NXPE2: variants seen among roughly 807,000 people sequenced by gnomAD.
The protein encoded by NXPE2 is neurexophilin and PC-esterase domain family member 2.
A neutral mutation model predicts 34.4 loss-of-function variants in NXPE2; 34 were observed. The ratio of observed to expected loss-of-function variants is 0.99; its 90% CI spans 0.75 to 1.31. The LOEUF (loss-of-function observed/expected upper bound fraction) is 1.31, where lower values mean the gene tolerates loss of function less well. Ranked by LOEUF, NXPE2 falls within the 40% of genes most tolerant of loss-of-function variation. The probability of loss-of-function intolerance (pLI) is 0.00; values close to 1 mark genes in which losing one functional copy is unlikely to be tolerated. For missense variants in NXPE2, 649 were observed against 672.5 expected (o/e 0.97, Z 0.39); for synonymous variants, 235 against 231.3 (o/e 1.02, Z -0.15).
At chr11:114,685,936 G>A (rs1173823373) in intron 2 of NXPE2, among the ~76,000 whole-genome samples, 1 of 152,000 alleles carries the variant, frequency 6.6e-6, no homozygotes, top group Admixed American at 6.6e-5. Flanking sequence ...AGAGGGTGAG[G>A]GAAAAGTAAG....
the NXPE2 span, among the ~76,000 whole-genome samples, chr11:114,774,413 A>C: frequency 6.6e-6 from 1 of 152,312 alleles, no homozygotes; most frequent in South Asian, 2.1e-4. Flanking sequence ...AATCTGAAAA[A>C]GGCCGTTGTG....
chr11:114,591,667 T>A, the NXPE2 span, among the ~76,000 whole-genome samples: 1 of 152,154 alleles, frequency 6.6e-6, no homozygotes, highest in Non-Finnish European at 1.5e-5. Context: ...AAGCTGTACT[T>A]TCCAGCCTCC....
chr11:114,777,419 C>A, the NXPE2 span, among the ~76,000 whole-genome samples: 1 of 152,150 alleles, frequency 6.6e-6, no homozygotes, highest in Admixed American at 6.5e-5. Context: ...TGGTTGGGAG[C>A]AAAGAATGAG....
At chr11:114,762,314 C>T in the NXPE2 span, among the ~76,000 whole-genome samples, 1 of 151,916 alleles carries the variant, frequency 6.6e-6, no homozygotes, top group Admixed American at 6.6e-5. Flanking sequence ...AGTGTGCATG[C>T]GCAGGTTAGA....
At chr11:114,474,252 A>G in the NXPE2 span, among the ~76,000 whole-genome samples, 1 of 152,194 alleles carries the variant, frequency 6.6e-6, no homozygotes, top group Non-Finnish European at 1.5e-5. Flanking sequence ...ATTTGACATC[A>G]TGAGAATGGA....
the NXPE2 span, among the ~76,000 whole-genome samples, chr11:114,641,364 T>G: frequency 0.012 from 1,862 of 152,116 alleles, 39 homozygotes; most frequent in African/African-American, 0.042. Flanking sequence ...AACCCAAAAA[T>G]AGACTACATA....
At chr11:114,638,509 G>T in the NXPE2 span, among the ~76,000 whole-genome samples, 1 of 152,120 alleles carries the variant, frequency 6.6e-6, no homozygotes, top group East Asian at 1.9e-4. Context: ...TGCTGGTGAG[G>T]AACTGTGTTC....
chr11:114,765,255 C>CCT, the NXPE2 span, among the ~76,000 whole-genome samples: 2 of 51,322 alleles, frequency 3.9e-5, no homozygotes, highest in African/African-American at 1.0e-4. Context: ...TACAGACATA[C>CCT]TTTTTTTATG....
chr11:114,571,099 C>T, the NXPE2 span: 1 of 1,613,880 alleles, frequency 6.2e-7, no homozygotes, highest in Non-Finnish European at 8.5e-7. Context: ...TGAATGTAAC[C>T]ATGAAAGTCA....
At chr11:114,674,576 CA>C (rs996275977), upstream of NXPE2, among the ~76,000 whole-genome samples, 15 of 142,596 alleles carry the variant, frequency 1.1e-4, no homozygotes, top group East Asian at 6.2e-4. Flanking sequence ...CATACCACCA[CA>C]AAAAAAAAAT....
At chr11:114,618,125 A>G in the NXPE2 span, among the ~76,000 whole-genome samples, 3 of 151,712 alleles carry the variant, frequency 2.0e-5, no homozygotes, top group Non-Finnish European at 2.9e-5. Context: ...CTCGTGGGAA[A>G]CCAGTGTTAC....
At chr11:114,471,776 G>A in the NXPE2 span, among the ~76,000 whole-genome samples, 73,191 of 151,912 alleles carry the variant, frequency 0.48, 18,259 homozygotes, top group African/African-American at 0.59. Context: ...GACATATATG[G>A]TAATCAGCCT....
chr11:114,720,114 C>CT, the NXPE2 span, among the ~76,000 whole-genome samples: 1 of 152,200 alleles, frequency 6.6e-6, no homozygotes, highest in African/African-American at 2.4e-5. Context: ...GAAACCATTT[C>CT]ACTTGTTTCT....
At chr11:114,644,896 A>G in the NXPE2 span, among the ~76,000 whole-genome samples, 1 of 152,148 alleles carries the variant, frequency 6.6e-6, no homozygotes, top group Non-Finnish European at 1.5e-5. Context: ...CTAAGATAGA[A>G]TTAAAAGCGC....
chr11:114,714,963 G>A, the NXPE2 span, among the ~76,000 whole-genome samples: 1 of 152,206 alleles, frequency 6.6e-6, no homozygotes, highest in South Asian at 2.1e-4. Context: ...AGAGGTTGCA[G>A]TGAGCCAAGA....
intron 5 of NXPE2, 30 bp from the exon 6 acceptor site, chr11:114,706,365 T>A (rs1951472414): frequency 6.8e-7 from 1 of 1,479,578 alleles, no homozygotes; most frequent in South Asian, 1.4e-5. Flanking sequence ...TTCCTTTTGT[T>A]AAAATATTTA....
the NXPE2 span, among the ~76,000 whole-genome samples, chr11:114,812,221 C>A: frequency 1.0e-2 from 1,518 of 152,148 alleles, 11 homozygotes; most frequent in Non-Finnish European, 0.016. Flanking sequence ...CAGCTGAGGA[C>A]AAAGGGGGAT....
chr11:114,682,807 A>T (rs1242864665), intron 2 of NXPE2, among the ~76,000 whole-genome samples: 2 of 151,930 alleles, frequency 1.3e-5, no homozygotes, highest in Non-Finnish European at 2.9e-5. Context: ...CTTTAAGAAA[A>T]CATTGCTAGC....
chr11:114,587,235 C>T, the NXPE2 span, among the ~76,000 whole-genome samples: 1 of 152,266 alleles, frequency 6.6e-6, no homozygotes, highest in African/African-American at 2.4e-5. Flanking sequence ...AACATGGTCC[C>T]ATCAGCAGGA....
Sources: gnomAD v4.1 joint callset for allele counts (sites outside exome capture counted in the v4.1 genomes callset) on GRCh38, gnomAD v4.1.1 for gene constraint, MANE v1.5 for transcripts, NCBI Gene and HGNC (gene_info 2026-07-23, HGNC 2026-07-21) for gene names.